Variants in DENND2C observed in about 807,000 individuals in gnomAD.
DENND2C encodes the protein DENN domain containing 2C, also known as DENN domain-containing protein 2C.
A neutral mutation model predicts 112.4 loss-of-function variants in DENND2C; 72 were observed. That is an observed-to-expected ratio of 0.64 (90% CI 0.53 to 0.78). DENND2C has a LOEUF of 0.78. Among genes scored for constraint, DENND2C ranks in the 30% least tolerant of loss-of-function variants. DENND2C has a pLI of 0.00. For synonymous variants in DENND2C, 329 were observed against 381.6 expected (o/e 0.86, Z 1.61); for missense variants, 992 against 1,113.8 (o/e 0.89, Z 1.56).
In DENND2C at chr1:114,652,229, C is replaced by G. The variant is rs1657185969; in HGVS notation, c.-317+2276G>C. 5.3e-5 allele frequency among the ~76,000 whole-genome samples: 8 copies of G among 151,950 alleles called. No individual in the cohort carries two copies. The South Asian group carries it at 1.7e-3, about 32-fold the overall frequency. Reference sequence around the variant, plus strand: ...CTGTATGCAGATATGCAAAGATGTCCAAAATAAAAGTGGGGAAAAGCAAGT... The same window carrying G: ...CTGTATGCAGATATGCAAAGATGTCGAAAATAAAAGTGGGGAAAAGCAAGT... On this transcript the variant is annotated intron_variant, in intron 2 of 20. Coordinates refer to ENST00000393274, the MANE Select transcript of DENND2C (RefSeq NM_001256404.2).
chr1:114,607,822 A>G (rs1655699080), intron 10 of DENND2C, among the ~76,000 whole-genome samples: 1 of 152,234 alleles, frequency 6.6e-6, no homozygotes, highest in South Asian at 2.1e-4. Context: ...CATTAGCACT[A>G]TATACATTAC....
At chr1:114,633,110 G>C (rs1471108611) in intron 3 of DENND2C, among the ~76,000 whole-genome samples, 1 of 152,152 alleles carries the variant, frequency 6.6e-6, no homozygotes, top group Non-Finnish European at 1.5e-5. Flanking sequence ...GGAAAATTGT[G>C]TATGGTGTTG....
chr1:114,608,579 G>A, intron 10 of DENND2C, 107 bp downstream of exon 10: 2 of 1,249,536 alleles, frequency 1.6e-6, no homozygotes, highest in Non-Finnish European at 2.2e-6. Context: ...CACAAGAACA[G>A]TATTGGTAAA....
chr1:114,611,939 T>A (rs1305334344), intron 8 of DENND2C, among the ~76,000 whole-genome samples: 1 of 152,154 alleles, frequency 6.6e-6, no homozygotes, highest in Non-Finnish European at 1.5e-5. Context: ...TATATAAACT[T>A]GTATCTAATT....
At chr1:114,608,618 G>A (rs1655724141) in intron 10 of DENND2C, 68 bp downstream of exon 10, 2 of 1,525,840 alleles carry the variant, frequency 1.3e-6, no homozygotes, top group Non-Finnish European at 1.8e-6. Flanking sequence ...AAACCAAGAG[G>A]ACAGGAAATA....
chr1:114,600,088 G>C, intron 15 of DENND2C, 116 bp downstream of exon 15: 2 of 1,181,592 alleles, frequency 1.7e-6, no homozygotes, highest in Non-Finnish European at 2.3e-6. Context: ...TGCACGTTGT[G>C]CACATGTACC....
chr1:114,658,354 A>G (rs1049404944), intron 1 of DENND2C, among the ~76,000 whole-genome samples: 1 of 152,212 alleles, frequency 6.6e-6, no homozygotes, highest in East Asian at 1.9e-4. Context: ...CCAGGATAAC[A>G]TCATGAGAGG....
chr1:114,610,730 T>A (rs978353151), intron 9 of DENND2C, among the ~76,000 whole-genome samples: 1 of 151,628 alleles, frequency 6.6e-6, no homozygotes, highest in Admixed American at 6.6e-5. Flanking sequence ...AGATATTTAC[T>A]GCTCAGAGGA....
chr1:114,624,707 A>G (rs760728988), intron 4 of DENND2C, among the ~76,000 whole-genome samples: 1 of 150,240 alleles, frequency 6.7e-6, no homozygotes, highest in Non-Finnish European at 1.5e-5. Flanking sequence ...CTGCAAGCTC[A>G]GCCTCCCAGG....
At chr1:114,595,785 T>G (rs776457264) in intron 17 of DENND2C, 47 bp downstream of exon 17, 1 of 1,527,194 alleles carries the variant, frequency 6.5e-7, no homozygotes, top group South Asian at 1.1e-5. Context: ...TTATCTACAG[T>G]AGACATTTAT....
At chr1:114,622,190 T>G (rs1420425630) in intron 6 of DENND2C, 125 bp from the exon 7 acceptor site, 2 of 991,508 alleles carry the variant, frequency 2.0e-6, no homozygotes, top group Admixed American at 3.0e-5. Flanking sequence ...CATGGCTCAT[T>G]GCAGCCTTGA....
intron 5 of DENND2C, 94 bp downstream of exon 5, chr1:114,623,413 T>C: frequency 8.0e-7 from 1 of 1,256,484 alleles, no homozygotes; most frequent in Non-Finnish European, 1.1e-6. Flanking sequence ...TAGAGCAATA[T>C]ATGCTTGATT....
intron 3 of DENND2C, among the ~76,000 whole-genome samples, chr1:114,637,047 C>T (rs1292469811): frequency 6.6e-6 from 1 of 151,576 alleles, no homozygotes; most frequent in Non-Finnish European, 1.5e-5. Flanking sequence ...GAGTTCGAGA[C>T]CAGCCTGGGC....
intron 3 of DENND2C, among the ~76,000 whole-genome samples, chr1:114,636,792 T>C (rs1656669788): frequency 6.6e-6 from 1 of 152,056 alleles, no homozygotes; most frequent in African/African-American, 2.4e-5. Flanking sequence ...AATGTAGGAA[T>C]TCCTAAGAAA....
Position 114,649,437 on chromosome 1 carries a change from T to G in DENND2C, c.-316-3878A>C, listed in dbSNP as rs190829935. On this transcript the variant is annotated intron_variant, in intron 2 of 20. Transcript: ENST00000393274. ...CACTCTGTTGCCCAGAGGCACGGTG[T>G]GATCATAGTTTACTGCAGCCTTGAC... Among the ~76,000 whole-genome samples, 174 of 152,184 alleles carry G rather than the reference T, an allele frequency of 1.1e-3. 1 individual carries two copies. The highest frequency in any genetic ancestry group is 3.9e-3 in the African/African-American group (164 of 41,528).
chr1:114,611,198 A>C (rs1285907617), intron 8 of DENND2C, 81 bp from the exon 9 acceptor site: 3 of 1,504,320 alleles, frequency 2.0e-6, no homozygotes, highest in Non-Finnish European at 2.8e-6. Flanking sequence ...AAACCCACAA[A>C]CCTGGGGACT....
At chr1:114,664,383 C>T (rs1278568913) in intron 1 of DENND2C, among the ~76,000 whole-genome samples, 2 of 152,070 alleles carry the variant, frequency 1.3e-5, no homozygotes, top group South Asian at 4.2e-4. Context: ...TAGGCTGAGG[C>T]AGAAGGAGTG....
chr1:114,622,275 G>A (rs115465356), intron 6 of DENND2C, among the ~76,000 whole-genome samples: 117 of 152,078 alleles, frequency 7.7e-4, no homozygotes, highest in Non-Finnish European at 1.5e-3. Flanking sequence ...CACCACATCC[G>A]GCTAATTTTT....
At chr1:114,608,902 T>C in intron 9 of DENND2C, 29 bp from the exon 10 acceptor site, 1 of 1,613,178 alleles carries the variant, frequency 6.2e-7, no homozygotes, top group Non-Finnish European at 8.5e-7. Flanking sequence ...GAAATGTTTT[T>C]TTCTCTGTAG....
Sources: allele counts gnomAD v4.1 joint callset (sites outside exome capture counted in the v4.1 genomes callset), GRCh38; gene constraint gnomAD v4.1.1; transcripts MANE v1.5; gene names NCBI Gene and HGNC (gene_info 2026-07-23, HGNC 2026-07-21).